Variants in STARD13 observed in about 807,000 individuals in gnomAD.
STARD13 encodes StAR related lipid transfer domain containing 13.
A neutral mutation model predicts 106.4 loss-of-function variants in STARD13; 62 were observed. The observed-to-expected ratio is 0.58, with a 90% CI of 0.48 to 0.72. The LOEUF (loss-of-function observed/expected upper bound fraction) is 0.72. STARD13 is among the 30% of genes least tolerant of loss of function. The probability of loss-of-function intolerance (pLI) is 0.00; values close to 1 mark genes in which losing one functional copy is unlikely to be tolerated. For missense variants in STARD13, 1,387 were observed against 1,424.0 expected (o/e 0.97, Z 0.42); for synonymous variants, 565 against 553.0 (o/e 1.02, Z -0.31).
At chr13:33,119,722 A>G (rs1875974362) in intron 7 of STARD13, among the ~76,000 whole-genome samples, 1 of 152,240 alleles carries the variant, frequency 6.6e-6, no homozygotes, top group Non-Finnish European at 1.5e-5. Flanking sequence ...CTCTAATCCC[A>G]CACATCAGGA....
chr13:33,154,237 C>T (rs1466791088), intron 3 of STARD13, among the ~76,000 whole-genome samples: 2 of 152,206 alleles, frequency 1.3e-5, no homozygotes, highest in East Asian at 3.9e-4. Flanking sequence ...GTGGTGTCAC[C>T]GTGCCACTAC....
intron 1 of STARD13, among the ~76,000 whole-genome samples, chr13:33,229,550 G>A (rs557787124): frequency 1.3e-5 from 2 of 152,198 alleles, no homozygotes; most frequent in South Asian, 2.1e-4. Flanking sequence ...AAACAAAGAC[G>A]AAAAATACTA....
the STARD13 span, among the ~76,000 whole-genome samples, chr13:33,361,380 C>T: frequency 1.2e-4 from 19 of 152,140 alleles, no homozygotes; most frequent in Admixed American, 2.0e-4. Context: ...ATGGTTTATA[C>T]TAATGATAAG....
intron 1 of STARD13, among the ~76,000 whole-genome samples, chr13:33,308,256 A>AAAAAT (rs1555260919): frequency 2.0e-5 from 3 of 152,182 alleles, no homozygotes; most frequent in African/African-American, 7.2e-5. Flanking sequence ...TCTTCTAACT[A>AAAAAT]AAATGTTCCT....
At position 33,225,104 on chromosome 13, in the gene STARD13, C is replaced by A. The variant is rs147413241; in HGVS notation, c.170-57482G>T. Reference sequence around the variant, plus strand: ...ATAGATATATTTCTTTCTTTCTAAACGGAATATACATAAATAATTTAATAT... The same window carrying A: ...ATAGATATATTTCTTTCTTTCTAAAAGGAATATACATAAATAATTTAATAT... On this transcript the variant is annotated intron_variant, in intron 1 of 13. Coordinates refer to ENST00000336934, the MANE Select transcript of STARD13 (RefSeq NM_178006.4). 5.8e-3 allele frequency among the ~76,000 whole-genome samples: 875 copies of A among 152,116 alleles called. 8 individuals are homozygous for A. The highest frequency in any genetic ancestry group is 0.02 in the African/African-American group (837 of 41,506).
chr13:33,671,100 C>T, the STARD13 span, among the ~76,000 whole-genome samples: 14 of 152,254 alleles, frequency 9.2e-5, no homozygotes, highest in East Asian at 1.3e-3. Flanking sequence ...GTATTTTGTG[C>T]GTGTATTGCT....
chr13:33,295,757 A>G (rs1211260752), intron 1 of STARD13, among the ~76,000 whole-genome samples: 8 of 152,208 alleles, frequency 5.3e-5, no homozygotes, highest in Admixed American at 3.3e-4. Context: ...GGTATTCTGC[A>G]TGGCAGAAAG....
At chr13:33,521,045 T>C in the STARD13 span, among the ~76,000 whole-genome samples, 1 of 152,136 alleles carries the variant, frequency 6.6e-6, no homozygotes, top group South Asian at 2.1e-4. Context: ...ATCACCTACC[T>C]GTCTCATCTC....
the STARD13 span, among the ~76,000 whole-genome samples, chr13:33,613,215 G>A: frequency 2.0e-5 from 3 of 152,184 alleles, no homozygotes; most frequent in African/African-American, 7.2e-5. Flanking sequence ...ACCCACAGCA[G>A]CTTTGAGAGG....
At chr13:33,233,450 C>T (rs1889026413) in intron 1 of STARD13, among the ~76,000 whole-genome samples, 1 of 152,210 alleles carries the variant, frequency 6.6e-6, no homozygotes. Flanking sequence ...AGAGGGACAA[C>T]CTGACTTCAG....
chr13:33,387,609 A>G, the STARD13 span, among the ~76,000 whole-genome samples: 1 of 152,202 alleles, frequency 6.6e-6, no homozygotes, highest in African/African-American at 2.4e-5. Context: ...AGATCTGGAG[A>G]GAGTGAACGA....
At chr13:33,385,480 A>T in the STARD13 span, among the ~76,000 whole-genome samples, 1 of 148,736 alleles carries the variant, frequency 6.7e-6, no homozygotes, top group Non-Finnish European at 1.5e-5. Flanking sequence ...AAAAAAAAAA[A>T]AAAAAAAAAA....
chr13:33,313,927 T>C (rs147047495), intron 1 of STARD13, among the ~76,000 whole-genome samples: 5 of 152,330 alleles, frequency 3.3e-5, no homozygotes, highest in East Asian at 1.9e-4. Context: ...CTCTCTGACC[T>C]TCTTTGGGCT....
chr13:33,431,383 T>A, the STARD13 span, among the ~76,000 whole-genome samples: 18 of 152,316 alleles, frequency 1.2e-4, no homozygotes, highest in Middle Eastern at 3.4e-3. Context: ...CTGGGCTAAA[T>A]AAAATGTTAT....
chr13:33,129,355 G>C lies in STARD13; in HGVS notation c.1322C>G (p.Ala441Gly). 1 of 1,614,130 alleles carries C rather than the reference G, an allele frequency of 6.2e-7. No homozygotes were observed. Residue 441 changes from alanine to glycine, a missense_variant, in exon 5 of 14, where the codon GCC becomes GGC. By Grantham distance (60) the Ala-to-Gly change is moderately conservative. Coordinates refer to ENST00000336934, the MANE Select transcript of STARD13 (RefSeq NM_178006.4). ...ISLGREQVPG[A>G]REPRLMASCH... ...GGACGCCATGAGCCGGGGCTCCCTG[G>C]CACCAGGGACCTGCTCTCTGCCCAG...
chr13:33,359,476 A>G, the STARD13 span: 2 of 178,316 alleles, frequency 1.1e-5, no homozygotes, highest in South Asian at 3.4e-4. Context: ...GCGAGGGTCC[A>G]CGGCTTCATT....
chr13:33,230,711 A>G (rs1395368693), intron 1 of STARD13, among the ~76,000 whole-genome samples: 1 of 152,234 alleles, frequency 6.6e-6, no homozygotes, highest in African/African-American at 2.4e-5. Flanking sequence ...AACACTGTTT[A>G]CTTAGTCCAT....
rs146665743 is a variant in STARD13 at position 33,245,749 on chromosome 13, T to A, written c.169+39721A>T. On this transcript the variant is annotated intron_variant, in intron 1 of 13. Transcript: ENST00000336934. ...TCTGTGCAGCCAAGATAAGTGGAAC[T>A]GTCATTCTGTCCTATTGGAAAGAAC... is the stretch of plus-strand genomic sequence containing the variant. Among the ~76,000 whole-genome samples, 280 of 152,344 alleles carry A rather than the reference T, an allele frequency of 1.8e-3. 1 individual carries two copies. Among genetic ancestry groups the A allele is most frequent in the Non-Finnish European group, 2.5e-3 (171 of 68,028 alleles).
chr13:33,333,138 C>A (rs140880356), intron 1 of STARD13, among the ~76,000 whole-genome samples: 1,570 of 152,140 alleles, frequency 0.01, 34 homozygotes, highest in African/African-American at 0.036. Context: ...GCTTGTAATC[C>A]CAGCACTTTG....
Sources: allele counts gnomAD v4.1 joint callset (sites outside exome capture counted in the v4.1 genomes callset), GRCh38; gene constraint gnomAD v4.1.1; transcripts MANE v1.5; gene names NCBI Gene and HGNC (gene_info 2026-07-23, HGNC 2026-07-21).